UBE2J1: variants seen among roughly 807,000 people sequenced by gnomAD.
UBE2J1 encodes the protein ubiquitin conjugating enzyme E2 J1, also known as ubiquitin-conjugating enzyme E2 J1.
UBE2J1 carries 17 observed loss-of-function variants against 42.1 expected under a neutral mutation model. The ratio of observed to expected loss-of-function variants is 0.40; its 90% CI spans 0.28 to 0.61. UBE2J1 has a LOEUF of 0.61. UBE2J1 is among the 20% of genes least tolerant of loss of function. UBE2J1 has a pLI of 0.38. For missense variants in UBE2J1, 291 were observed against 389.4 expected, an observed-to-expected ratio of 0.75 and a Z score of 2.13; for synonymous variants, 127 against 137.2, an observed-to-expected ratio of 0.93 and a Z score of 0.52.
At chr6:89,337,890 T>C (rs1768140411) in intron 5 of UBE2J1, among the ~76,000 whole-genome samples, 1 of 152,228 alleles carries the variant, frequency 6.6e-6, no homozygotes, top group Non-Finnish European at 1.5e-5. Context: ...TTCTTTTCCA[T>C]CTATAATGCC....
chr6:89,334,282 C>A (rs771680756), intron 6 of UBE2J1, among the ~76,000 whole-genome samples: 14 of 151,956 alleles, frequency 9.2e-5, no homozygotes, highest in Admixed American at 4.6e-4. Flanking sequence ...GGATTACAGG[C>A]GTGAGCCACT....
chr6:89,330,284 C>T (rs1294738447), intron 7 of UBE2J1, among the ~76,000 whole-genome samples: 2 of 151,928 alleles, frequency 1.3e-5, no homozygotes, highest in Admixed American at 1.3e-4. Flanking sequence ...TAATTAGGTT[C>T]CTATGTTTCA....
intron 1 of UBE2J1, among the ~76,000 whole-genome samples, chr6:89,345,660 C>A (rs1344403082): frequency 6.6e-6 from 1 of 151,894 alleles, no homozygotes; most frequent in Non-Finnish European, 1.5e-5. Flanking sequence ...GTAATCCCAG[C>A]ACTTTGGGAG....
Position 89,328,672 on chromosome 6 carries a change from C to G in UBE2J1, c.*1007G>C, listed in dbSNP as rs1767950237. On this transcript the variant is annotated 3_prime_UTR_variant, in exon 8 of 8. Coordinates refer to ENST00000435041, the MANE Select transcript of UBE2J1 (RefSeq NM_016021.3). Reference sequence around the variant, plus strand: ...TATATTGATTTTTCCACTGAAAATTCTTTCTTGGGCTCTGACTAGGTGGAC... The same window carrying G: ...TATATTGATTTTTCCACTGAAAATTGTTTCTTGGGCTCTGACTAGGTGGAC... 1 of 152,138 alleles carries G rather than the reference C, an allele frequency of 6.6e-6. No homozygotes were observed. Among genetic ancestry groups the G allele is most frequent in the Non-Finnish European group, 1.5e-5 (1 of 68,006 alleles). The allele number at this position is 152,138 out of a possible 1,614,324, so 9.4% of individuals were successfully genotyped here.
rs1249821072 is a variant in UBE2J1, at chr6:89,327,357, G to C, written c.*2322C>G. 5.3e-5 allele frequency: 8 copies of C among 152,194 alleles called. No individual in the cohort carries two copies. The highest frequency in any genetic ancestry group is 1.7e-4 in the African/African-American group (7 of 41,420). The allele number at this position is 152,194 out of a possible 1,614,324, so 9.4% of individuals were successfully genotyped here. On this transcript the variant is annotated 3_prime_UTR_variant, in exon 8 of 8. Transcript: ENST00000435041. The stretch of plus-strand genomic sequence containing the variant: ...GTTTTAGCTGTATGCTGGAATTAAG[G>C]AGTTAAAGTAGGGCTTTAAAGATAA...
intron 4 of UBE2J1, 49 bp from the exon 5 acceptor site, chr6:89,338,359 T>C: frequency 6.3e-7 from 1 of 1,587,574 alleles, no homozygotes; most frequent in Non-Finnish European, 8.6e-7. Context: ...TAAAAGCAAC[T>C]GGGTTTATTC....
chr6:89,348,989 A>C (rs958605513), intron 1 of UBE2J1, among the ~76,000 whole-genome samples: 15 of 152,222 alleles, frequency 9.9e-5, no homozygotes, highest in African/African-American at 1.7e-4. Context: ...TAATCTCACC[A>C]CTTTGGGAAG....
intron 3 of UBE2J1, among the ~76,000 whole-genome samples, chr6:89,340,150 T>G (rs958662553): frequency 6.6e-6 from 1 of 152,140 alleles, no homozygotes; most frequent in Admixed American, 6.5e-5. Flanking sequence ...AGGTGTGATT[T>G]TCAGAGGAGT....
intron 3 of UBE2J1, among the ~76,000 whole-genome samples, chr6:89,338,850 A>G (rs1211787099): frequency 1.3e-5 from 2 of 151,806 alleles, no homozygotes; most frequent in African/African-American, 4.8e-5. Context: ...TATTTTTAGT[A>G]GAGACGGGGT....
intron 3 of UBE2J1, among the ~76,000 whole-genome samples, chr6:89,341,806 CAG>C (rs1768251023): frequency 6.6e-6 from 1 of 151,834 alleles, no homozygotes; most frequent in African/African-American, 2.4e-5. Context: ...GAGATATAAA[CAG>C]TAATAATAAT....
chr6:89,329,419 T>C lies in UBE2J1; in HGVS notation c.*260A>G. ...ATTTACATAAAAAGAAGATGAAACATGAGAAAAAACAAGTTATTTCCCTGC... is the reference window on the plus strand; with the variant it reads ...ATTTACATAAAAAGAAGATGAAACACGAGAAAAAACAAGTTATTTCCCTGC... On this transcript the variant is annotated 3_prime_UTR_variant, in exon 8 of 8. Coordinates refer to ENST00000435041, the MANE Select transcript of UBE2J1 (RefSeq NM_016021.3). The C allele has an allele frequency of 2.3e-6, 1 of 439,214 alleles. No homozygotes were observed. The highest frequency in any genetic ancestry group is 2.9e-5 in the South Asian group (1 of 34,986). The allele number at this position is 439,214 out of a possible 1,614,324, so 27.2% of individuals were successfully genotyped here.
Position 89,342,377 on chromosome 6 carries a change from T to C in UBE2J1, c.184A>G (p.Ile62Val), listed in dbSNP as rs1164556978. ...DFDGGVYHGR[I>V]VLPPEYPMKP... Reference sequence around the variant, plus strand: ...ATGGGATACTCTGGTGGCAGTACTATCCGCCCGTGATAAACTCCTCCATCA... The same window carrying C: ...ATGGGATACTCTGGTGGCAGTACTACCCGCCCGTGATAAACTCCTCCATCA... The change falls in exon 3 of 8, where the codon ATA becomes GTA. Residue 62 changes from isoleucine to valine, a missense_variant. Physicochemically the swap from Ile to Val is conservative, Grantham distance 29. Transcript: ENST00000435041. The C allele has an allele frequency of 1.2e-6, 2 of 1,613,932 alleles. No individual in the cohort carries two copies. The highest frequency in any genetic ancestry group is 4.5e-5 in the East Asian group (2 of 44,852).
At chr6:89,338,954 C>T (rs533192808) in intron 3 of UBE2J1, among the ~76,000 whole-genome samples, 100 of 151,744 alleles carry the variant, frequency 6.6e-4, no homozygotes, top group African/African-American at 1.9e-3. Context: ...CATGAGCCAC[C>T]GCGCCCGGCC....
intron 5 of UBE2J1, among the ~76,000 whole-genome samples, chr6:89,337,256 A>G (rs1188684667): frequency 6.6e-6 from 1 of 151,648 alleles, no homozygotes; most frequent in Non-Finnish European, 1.5e-5. Context: ...TCGCACATGA[A>G]ATCAACTGGA....
chr6:89,333,192 G>A lies in UBE2J1; in HGVS notation c.572C>T (p.Ser191Leu). The A allele has an allele frequency of 6.2e-7, 1 of 1,610,524 alleles. No homozygotes were observed. ...TGACTCAGAGATAGTCTTTCCAGAT[G>A]AATTGACTTCTGCCTATAAACAAGA... ...RQISFKAEVN[S>L]SGKTISESDL... Residue 191 changes from serine (S) to leucine (L), a missense_variant, in exon 7 of 8, where the codon TCA (serine) becomes TTA (leucine). Around this residue, in one of 2 missense-constraint regions of UBE2J1, gnomAD observed 176 missense variants for 196.3 expected, o/e 0.90. Coordinates refer to ENST00000435041, the MANE Select transcript of UBE2J1 (RefSeq NM_016021.3).
intron 1 of UBE2J1, among the ~76,000 whole-genome samples, chr6:89,349,460 T>C (rs1768425240): frequency 6.6e-6 from 1 of 152,082 alleles, no homozygotes; most frequent in African/African-American, 2.4e-5. Context: ...TGTGTGTGTA[T>C]TGAGTTGTGT....
chr6:89,348,278 A>AG (rs1768399819), intron 1 of UBE2J1, among the ~76,000 whole-genome samples: 3 of 152,218 alleles, frequency 2.0e-5, no homozygotes, highest in Non-Finnish European at 4.4e-5. Context: ...TAGAGGCCAC[A>AG]TGGACACTCT....
intron 1 of UBE2J1, among the ~76,000 whole-genome samples, chr6:89,345,603 AAAACAAAC>A (rs771117213): frequency 6.8e-6 from 1 of 147,298 alleles, no homozygotes; most frequent in Non-Finnish European, 1.5e-5. Flanking sequence ...CTATCTCAAT[AAAACAAAC>A]AAACAAACAA....
chr6:89,338,281 A>T lies in UBE2J1; in HGVS notation c.352T>A (p.Phe118Ile). 1 of 1,613,762 alleles carries T rather than the reference A, an allele frequency of 6.2e-7. No individual in the cohort carries two copies. Among genetic ancestry groups the T allele is most frequent in the East Asian group, 2.2e-5 (1 of 44,828 alleles). ...IRTALLAIIG[F>I]MPTKGEGAIG... ...GCTCCCTCTCCTTTTGTTGGCATAA[A>T]CCCAATGATGGCTAATAATGCTGTC... The change falls in exon 5 of 8, where the codon TTT (phenylalanine) becomes ATT (isoleucine). Residue 118 changes from phenylalanine (F) to isoleucine (I), a missense_variant. Around this residue, in one of 2 missense-constraint regions of UBE2J1, gnomAD observed 115 missense variants for 193.1 expected, o/e 0.60. Transcript: ENST00000435041.
Sources: allele counts gnomAD v4.1 joint callset (sites outside exome capture counted in the v4.1 genomes callset), GRCh38; gene constraint gnomAD v4.1.1; regional missense constraint gnomAD v4.1.1; transcripts MANE v1.5; gene names NCBI Gene and HGNC (gene_info 2026-07-23, HGNC 2026-07-21).